The following GALNT9 variants were observed in gnomAD, a reference collection of about 807,000 sequenced individuals.
GALNT9 encodes polypeptide N-acetylgalactosaminyltransferase 9.
A neutral mutation model predicts 63.1 loss-of-function variants in GALNT9; 47 were observed. The observed-to-expected ratio is 0.75, with a 90% CI of 0.59 to 0.95. The LOEUF is 0.95. Among genes scored for constraint, GALNT9 ranks in the 40% least tolerant of loss-of-function variants. The probability of loss-of-function intolerance (pLI) is 0.00; values close to 1 mark genes in which losing one functional copy is unlikely to be tolerated. For synonymous variants in GALNT9, 396 were observed against 365.7 expected, an observed-to-expected ratio of 1.08 and a Z score of -0.94; for missense variants, 829 against 874.8, an observed-to-expected ratio of 0.95 and a Z score of 0.66.
intron 6 of GALNT9, among the ~76,000 whole-genome samples, chr12:132,213,593 ACACACACACT>A (rs1404850981): frequency 6.6e-6 from 1 of 152,064 alleles, no homozygotes; most frequent in African/African-American, 2.4e-5. Flanking sequence ...ACACAGTCAC[ACACACACACT>A]CACACACATG....
chr12:132,283,637 G>A (rs112424032), intron 2 of GALNT9: 1 of 152,276 alleles, frequency 6.6e-6, no homozygotes, highest in South Asian at 2.1e-4. Context: ...GGTCAGCCAT[G>A]TCCACGAGAC....
At chr12:132,268,170 C>G (rs1288506871) in intron 2 of GALNT9, among the ~76,000 whole-genome samples, 1 of 151,822 alleles carries the variant, frequency 6.6e-6, no homozygotes, top group Admixed American at 6.6e-5. Context: ...AGCACACTCT[C>G]AAACCCATAC....
intron 2 of GALNT9, among the ~76,000 whole-genome samples, chr12:132,269,523 C>T (rs1391156381): frequency 1.3e-5 from 2 of 152,176 alleles, no homozygotes; most frequent in African/African-American, 4.8e-5. Context: ...CGGTCCCGAG[C>T]CCAGGGCGGG....
chr12:132,253,197 T>C (rs905675897), intron 5 of GALNT9, among the ~76,000 whole-genome samples: 4 of 152,112 alleles, frequency 2.6e-5, no homozygotes, highest in African/African-American at 9.7e-5. Context: ...GGGAGGAGCA[T>C]GAAAGTGGAC....
In GALNT9 at chr12:132,268,804, G is replaced by A. The variant is rs372574020; in HGVS notation, c.420-6179C>T. Among the ~76,000 whole-genome samples, 93 of 152,240 alleles carry A rather than the reference G, an allele frequency of 6.1e-4. 1 individual carries two copies. The East Asian group carries it at 9.1e-3, about 15-fold the overall frequency. On this transcript the variant is annotated intron_variant, in intron 2 of 10. Coordinates refer to ENST00000328957, the MANE Select transcript of GALNT9 (RefSeq NM_001122636.2). ...GGTGCCCCCCTCGGCGGCCATCAGG[G>A]AGCTGCCACTCGGAGCCACACGGGG...
rs2136896225 is a variant in GALNT9, at chr12:132,238,755, G to T, written c.1077+9155C>A. Among the ~76,000 whole-genome samples the T allele has an allele frequency of 7.1e-3, 1,087 of 152,236 alleles. 15 individuals are homozygous for T. Among genetic ancestry groups the T allele is most frequent in the African/African-American group, 0.023 (965 of 41,532 alleles). On this transcript the variant is annotated intron_variant, in intron 6 of 10. Coordinates refer to ENST00000328957, the MANE Select transcript of GALNT9 (RefSeq NM_001122636.2). This position sits in a 1 kb window ranked among gnomAD's most constrained non-coding sequence, Gnocchi z 6.5. ...AGGAGAATGACAGCCTGATTCCTCC[G>T]CCCCCTCATCTGCAGGCCACCCGCC...
At chr12:132,203,801 C>T (rs1387714577) in intron 6 of GALNT9, 111 bp from the exon 7 acceptor site, 5 of 1,168,028 alleles carry the variant, frequency 4.3e-6, no homozygotes, top group Non-Finnish European at 5.9e-6. Context: ...TCCTGGGGCA[C>T]CCCCACCACC....
Position 132,319,819 on chromosome 12 carries a change from C to T in GALNT9, c.238+9147G>A, listed in dbSNP as rs1022080451. 1.2e-4 allele frequency among the ~76,000 whole-genome samples: 19 copies of T among 152,234 alleles called. No individual in the cohort carries two copies. The highest frequency in any genetic ancestry group is 2.1e-4 in the South Asian group (1 of 4,830). On this transcript the variant is annotated intron_variant, in intron 1 of 10. Coordinates refer to ENST00000328957, the MANE Select transcript of GALNT9 (RefSeq NM_001122636.2). This position sits in a 1 kb window ranked among gnomAD's most constrained non-coding sequence, Gnocchi z 5.2. ...TCGGGCCTGGGTGCCCAGCCTCCCG[C>T]GTCCTTCTAGGGAGAAGCCGGATTT... is the stretch of plus-strand genomic sequence containing the variant.
At chr12:132,312,611 T>C (rs1440206739) in intron 1 of GALNT9, among the ~76,000 whole-genome samples, 1 of 152,204 alleles carries the variant, frequency 6.6e-6, no homozygotes, top group African/African-American at 2.4e-5. Context: ...CTCCTGGAAA[T>C]GCCTGTCCTT....
intron 6 of GALNT9, 68 bp from the exon 7 acceptor site, chr12:132,203,758 G>C: frequency 6.6e-7 from 1 of 1,526,350 alleles, no homozygotes; most frequent in Non-Finnish European, 8.8e-7. Flanking sequence ...CCAGCTAGGG[G>C]CCCGTGAGAG....
intron 1 of GALNT9, among the ~76,000 whole-genome samples, chr12:132,308,376 T>G (rs957945525): frequency 6.6e-6 from 1 of 152,222 alleles, no homozygotes; most frequent in Non-Finnish European, 1.5e-5. Flanking sequence ...GAGGCTAAGC[T>G]GGTGCAGCAA....
At chr12:132,256,564 G>T (rs1292744962) in intron 5 of GALNT9, among the ~76,000 whole-genome samples, 1 of 134,106 alleles carries the variant, frequency 7.5e-6, no homozygotes, top group Non-Finnish European at 1.6e-5. Context: ...CTGGAGGGGG[G>T]ACACGGGGGA....
chr12:132,201,024 G>A, intron 8 of GALNT9, 100 bp downstream of exon 8: 1 of 1,180,596 alleles, frequency 8.5e-7, no homozygotes, highest in African/African-American at 1.5e-5. Flanking sequence ...ACCTCTCCGT[G>A]TGCATGTGGA....
chr12:132,244,120 A>G (rs1555237793), intron 6 of GALNT9, among the ~76,000 whole-genome samples: 2 of 148,518 alleles, frequency 1.3e-5, no homozygotes, highest in African/African-American at 5.0e-5. Context: ...GCAGCTTCCA[A>G]CAACCTGTGG....
intron 1 of GALNT9, among the ~76,000 whole-genome samples, chr12:132,293,785 G>A (rs1880947828): frequency 6.9e-6 from 1 of 144,906 alleles, no homozygotes; most frequent in South Asian, 2.1e-4. Flanking sequence ...GGGGCAGAAC[G>A]AGAAGCCGGG....
chr12:132,275,136 T>C (rs1880032369), intron 2 of GALNT9: 1 of 152,432 alleles, frequency 6.6e-6, no homozygotes, highest in African/African-American at 2.4e-5. Flanking sequence ...ATGTCCCTTC[T>C]TTCCCCCGTG....
intron 2 of GALNT9, among the ~76,000 whole-genome samples, chr12:132,267,927 A>G (rs782205867): frequency 1.3e-5 from 2 of 148,596 alleles, no homozygotes; most frequent in Non-Finnish European, 3.0e-5. Flanking sequence ...ACTCACACAC[A>G]TGCACACACA....
At position 132,315,179 on chromosome 12, in the gene GALNT9, C is replaced by T. The variant is rs1214473007; in HGVS notation, c.238+13787G>A. Among the ~76,000 whole-genome samples the T allele has an allele frequency of 6.6e-6, 1 of 152,220 alleles. No homozygotes were observed. The highest frequency in any genetic ancestry group is 1.5e-5 in the Non-Finnish European group (1 of 68,046). Reference sequence around the variant, plus strand: ...CACATTTTAACCACAAGGCTCTGCACCGAGCAACTAAGATAATCAGGGTGG... The same window carrying T: ...CACATTTTAACCACAAGGCTCTGCATCGAGCAACTAAGATAATCAGGGTGG... On this transcript the variant is annotated intron_variant, in intron 1 of 10. Transcript: ENST00000328957. The surrounding 1 kb of genome is among the most constrained non-coding windows in gnomAD (Gnocchi z 6.1).
intron 6 of GALNT9, among the ~76,000 whole-genome samples, chr12:132,213,498 C>CAG (rs1491141729): frequency 2.6e-4 from 21 of 81,328 alleles, no homozygotes; most frequent in Admixed American, 1.8e-3. Flanking sequence ...ACGCACTCCA[C>CAG]TCACACACAG....
Sources: gnomAD v4.1 joint callset for allele counts (sites outside exome capture counted in the v4.1 genomes callset) on GRCh38, gnomAD v4.1.1 for gene constraint, Gnocchi (gnomAD v3.1) non-coding constraint, MANE v1.5 for transcripts, NCBI Gene and HGNC (gene_info 2026-07-23, HGNC 2026-07-21) for gene names.